ADGRB2: variants seen among roughly 807,000 people sequenced by gnomAD.
ADGRB2 encodes the protein adhesion G protein-coupled receptor B2, also known as brain-specific angiogenesis inhibitor 2.
Under a neutral mutation model 178.7 loss-of-function variants are expected in ADGRB2, and 47 were observed. That is an observed-to-expected ratio of 0.26 (90% CI 0.21 to 0.34). The LOEUF (loss-of-function observed/expected upper bound fraction) is 0.34, where lower values mean the gene tolerates loss of function less well. ADGRB2 is among the 10% of genes least tolerant of loss of function. The pLI is 1.00. For missense variants in ADGRB2, 1,584 were observed against 2,180.8 expected (o/e 0.73, Z 5.45); for synonymous variants, 870 against 912.4 (o/e 0.95, Z 0.84).
Position 31,743,002 on chromosome 1 carries a change from A to G in ADGRB2, c.1088T>C (p.Val363Ala). ...RPCNNSATCP[V>A]HGVWEEWGSW... Reference sequence around the variant, plus strand: ...CCCCCACTCCTCCCACACGCCGTGCACTGCAAGGAAGCACGTGGCCGGTGG... The same window carrying G: ...CCCCCACTCCTCCCACACGCCGTGCGCTGCAAGGAAGCACGTGGCCGGTGG... Residue 363 changes from valine to alanine, a missense_variant and splice_region_variant, in exon 7 of 33, where the codon GTG becomes GCG. Physicochemically the swap from Val to Ala is moderately conservative, Grantham distance 64. Transcript: ENST00000373658. The G allele has an allele frequency of 6.8e-7, 1 of 1,464,356 alleles. No individual in the cohort carries two copies. Among genetic ancestry groups the G allele is most frequent in the South Asian group, 1.3e-5 (1 of 75,064 alleles). 90.7% of individuals were successfully genotyped at this position (1,464,356 alleles called of 1,614,324 possible). A position where few individuals can be genotyped will look rare whatever the true frequency, so the allele number is the denominator to read the frequency against.
chr1:31,732,759 G>A, intron 26 of ADGRB2, 147 bp from the exon 27 acceptor site: 1 of 1,127,994 alleles, frequency 8.9e-7, no homozygotes, highest in South Asian at 1.4e-5. Context: ...CCTGGGCAGG[G>A]TGCAACGGGA....
Position 31,742,052 on chromosome 1 carries a change from C to T in ADGRB2, c.1417+1G>A. 2 of 1,605,874 alleles carry T rather than the reference C, an allele frequency of 1.2e-6. No homozygotes were observed. On this transcript the variant is annotated splice_donor_variant, in intron 8 of 32. Transcript: ENST00000373658. LOFTEE classifies it high-confidence loss of function. ...TTGCCACCACTGTGCCAAGCACTCA[C>T]CCGGGCACTCGAGGTTGCTGCACTC...
In ADGRB2 at chr1:31,761,731, G is replaced by T. The variant is rs1374542653; in HGVS notation, c.-191+2153C>A. On this transcript the variant is annotated intron_variant, in intron 1 of 32. Transcript: ENST00000373658. The surrounding 1 kb of genome is among the most constrained non-coding windows in gnomAD (Gnocchi z 4.2). ...AAGGTGTTTCTGTCTTTATTATACTGGGGGTTGGAGTGAAGGCACTGGAAC... is the reference window on the plus strand; with the variant it reads ...AAGGTGTTTCTGTCTTTATTATACTTGGGGTTGGAGTGAAGGCACTGGAAC... 6.6e-6 allele frequency among the ~76,000 whole-genome samples: 1 copy of T among 152,182 alleles called. No individual in the cohort carries two copies. Among genetic ancestry groups the T allele is most frequent in the Admixed American group, 6.5e-5 (1 of 15,284 alleles).
Position 31,730,849 on chromosome 1 carries a change from G to A in ADGRB2, c.4331C>T (p.Thr1444Ile). The A allele has an allele frequency of 6.5e-7, 1 of 1,537,856 alleles. No individual in the cohort carries two copies. The highest frequency in any genetic ancestry group is 8.7e-7 in the Non-Finnish European group (1 of 1,144,896). Residue 1444 changes from threonine to isoleucine, a missense_variant, in exon 29 of 33, where the codon ACC (threonine) becomes ATC (isoleucine). Thr to Ile is a moderately conservative substitution (Grantham distance 89, BLOSUM62 -1). This residue lies in a region of ADGRB2 where 865 missense variants were observed against 1,192.8 expected (regional missense o/e 0.73). Transcript: ENST00000373658. ...QVPEPGERSR[T>I]MPRTVPGSTM... ...AGAGCCGGGCACGGTGCGAGGCATGGTCCGGCTGCGCTCCCCTGGCTCGGG... is the reference window on the plus strand; with the variant it reads ...AGAGCCGGGCACGGTGCGAGGCATGATCCGGCTGCGCTCCCCTGGCTCGGG...
In ADGRB2 at chr1:31,735,823, A is replaced by T. The variant is rs1645575817; in HGVS notation, c.3267+4T>A. The T allele has an allele frequency of 6.2e-7, 1 of 1,609,890 alleles. No homozygotes were observed. Among genetic ancestry groups the T allele is most frequent in the Non-Finnish European group, 8.5e-7 (1 of 1,177,820 alleles). On this transcript the variant is annotated splice_donor_region_variant and intron_variant, in intron 23 of 32. Coordinates refer to ENST00000373658, the MANE Select transcript of ADGRB2 (RefSeq NM_001364857.2). This position sits in a 1 kb window ranked among gnomAD's most constrained non-coding sequence, Gnocchi z 6.0. The stretch of plus-strand genomic sequence containing the variant: ...CCCTTCCAAGATGCTGAACGGGCAC[A>T]TACCAGGACAATGACGGCTGCAGGG...
Position 31,763,959 on chromosome 1 carries a change from A to C in ADGRB2, c.-266T>G. On this transcript the variant is annotated 5_prime_UTR_variant, in exon 1 of 33. Transcript: ENST00000373658. ...ACGGGGCGCAAGTTTGCCATCCCTA[A>C]GTCGGGGACCGGGCCGGGCGCAGGG... 2.0e-6 allele frequency: 2 copies of C among 984,196 alleles called. No individual in the cohort carries two copies. Among genetic ancestry groups the C allele is most frequent in the Non-Finnish European group, 2.4e-6 (2 of 829,676 alleles). The allele number at this position is 984,196 out of a possible 1,614,324, so 61.0% of individuals were successfully genotyped here.
chr1:31,738,551 G>C, intron 17 of ADGRB2, 36 bp downstream of exon 17: 2 of 1,590,734 alleles, frequency 1.3e-6, no homozygotes, highest in Non-Finnish European at 1.7e-6. Flanking sequence ...CCCTAGGGCT[G>C]CTCCCTTCCT....
chr1:31,728,497 C>G lies in ADGRB2; in HGVS notation c.4416+101G>C. On this transcript the variant is annotated intron_variant, in intron 30 of 32. Transcript: ENST00000373658. This position sits in a 1 kb window ranked among gnomAD's most constrained non-coding sequence, Gnocchi z 6.7. ...ACCCCCGGGCTTGGGCTCCTGGGGTCAGGCTCTGCAACAGAGCTTGGACTA... is the reference window on the plus strand; with the variant it reads ...ACCCCCGGGCTTGGGCTCCTGGGGTGAGGCTCTGCAACAGAGCTTGGACTA... The G allele has an allele frequency of 6.4e-7, 1 of 1,564,314 alleles. No individual in the cohort carries two copies. Among genetic ancestry groups the G allele is most frequent in the East Asian group, 2.2e-5 (1 of 44,556 alleles).
chr1:31,752,864 CCA>C (rs1646647783), intron 4 of ADGRB2, among the ~76,000 whole-genome samples: 1 of 152,058 alleles, frequency 6.6e-6, no homozygotes, highest in Admixed American at 6.5e-5. Flanking sequence ...GGTTTTGAGC[CCA>C]CTCTTGCCTC....
At chr1:31,750,552 A>T (rs761926714) in intron 4 of ADGRB2, among the ~76,000 whole-genome samples, 19 of 152,096 alleles carry the variant, frequency 1.2e-4, no homozygotes, top group Non-Finnish European at 2.5e-4. Flanking sequence ...TGAATGTGTT[A>T]AAAATAACCA....
chr1:31,737,733 G>A lies in ADGRB2; in HGVS notation c.2795C>T (p.Pro932Leu). ...ACAGCCGATCACCAGGGGGACCGAG[G>A]GGGAGCCCGCCAGCTCCAGGGTCTG... The part of the protein sequence containing the change: ...KDLTLELAGS[P>L]SVPLVIGCAV... The change falls in exon 19 of 33, where the codon CCC becomes CTC. Residue 932 changes from proline (P) to leucine (L), a missense_variant. Physicochemically the swap from Pro to Leu is moderately conservative, Grantham distance 98. Transcript: ENST00000373658. 1 of 1,613,590 alleles carries A rather than the reference G, an allele frequency of 6.2e-7. No homozygotes were observed. The highest frequency in any genetic ancestry group is 1.3e-5 in the African/African-American group (1 of 75,026).
intron 4 of ADGRB2, among the ~76,000 whole-genome samples, chr1:31,746,200 G>A (rs1204569942): frequency 6.6e-6 from 1 of 152,046 alleles, no homozygotes; most frequent in East Asian, 1.9e-4. Context: ...CTGCCAGGAG[G>A]GCCTTGAAAC....
Position 31,733,350 on chromosome 1 carries a change from G to C in ADGRB2, c.3453-207C>G, listed in dbSNP as rs993557791. Reference sequence around the variant, plus strand: ...CAGAGACCGAAAGCAGCGAACTACGGGGTCAGAGCAGGGACCAGGAAGGTG... The same window carrying C: ...CAGAGACCGAAAGCAGCGAACTACGCGGTCAGAGCAGGGACCAGGAAGGTG... On this transcript the variant is annotated intron_variant, in intron 25 of 32. Transcript: ENST00000373658. This position sits in a 1 kb window ranked among gnomAD's most constrained non-coding sequence, Gnocchi z 4.3. 1.3e-5 allele frequency among the ~76,000 whole-genome samples: 2 copies of C among 152,192 alleles called. No homozygotes were observed. The highest frequency in any genetic ancestry group is 2.4e-5 in the African/African-American group (1 of 41,432).
At chr1:31,734,640 T>G (rs1432096142) in intron 25 of ADGRB2, among the ~76,000 whole-genome samples, 9 of 152,204 alleles carry the variant, frequency 5.9e-5, no homozygotes, top group Non-Finnish European at 1.5e-5. Flanking sequence ...GATTTTAAGA[T>G]TCTCAGATGC....
At position 31,736,554 on chromosome 1, in the gene ADGRB2, C is replaced by T. The variant is rs774079382; in HGVS notation, c.3130+19G>A. On this transcript the variant is annotated intron_variant, in intron 21 of 32. Coordinates refer to ENST00000373658, the MANE Select transcript of ADGRB2 (RefSeq NM_001364857.2). ...CCCACCAAGGCCCAGCAGCAGAGTC[C>T]AGCACTGGCCCTGCTCACCCCAGCC... is the stretch of plus-strand genomic sequence containing the variant. The T allele has an allele frequency of 6.2e-7, 1 of 1,612,282 alleles. No individual in the cohort carries two copies. The highest frequency in any genetic ancestry group is 1.1e-5 in the South Asian group (1 of 90,886).
chr1:31,739,257 T>G (rs1645800677), intron 15 of ADGRB2, 51 bp downstream of exon 15: 1 of 1,430,558 alleles, frequency 7.0e-7, no homozygotes. Context: ...TTCCCTTACC[T>G]GGGCCTTCCT....
In ADGRB2 at chr1:31,740,214, C is replaced by A; in HGVS notation, c.1990-36G>T. 1 of 1,613,312 alleles carries A rather than the reference C, an allele frequency of 6.2e-7. No individual in the cohort carries two copies. Among genetic ancestry groups the A allele is most frequent in the Non-Finnish European group, 8.5e-7 (1 of 1,179,652 alleles). On this transcript the variant is annotated intron_variant, in intron 12 of 32. Transcript: ENST00000373658. The surrounding 1 kb of genome is among the most constrained non-coding windows in gnomAD (Gnocchi z 5.9). ...AGCAATGAGTGGCAGGGGGTCCTAGCCCCAGGGAACAGGGGGCTTCCCCCA... is the reference window on the plus strand; with the variant it reads ...AGCAATGAGTGGCAGGGGGTCCTAGACCCAGGGAACAGGGGGCTTCCCCCA...
At position 31,753,954 on chromosome 1, in the gene ADGRB2, C is replaced by A. The variant is rs1235320425; in HGVS notation, c.838+2045G>T. 6.6e-6 allele frequency among the ~76,000 whole-genome samples: 1 copy of A among 152,230 alleles called. No homozygotes were observed. The highest frequency in any genetic ancestry group is 1.5e-5 in the Non-Finnish European group (1 of 68,038). On this transcript the variant is annotated intron_variant, in intron 4 of 32. Transcript: ENST00000373658. The surrounding 1 kb of genome is among the most constrained non-coding windows in gnomAD (Gnocchi z 4.1). ...CACATCATCCCATGCCAACTCCCTA[C>A]AGGGGCCCTCCCTAAAAAGCAACCC...
rs369049287 is a variant in ADGRB2, at chr1:31,738,368, G to A, written c.2646-42C>T. 2.5e-5 allele frequency: 41 copies of A among 1,611,688 alleles called. 1 individual carries two copies. The highest frequency in any genetic ancestry group is 1.5e-4 in the South Asian group (14 of 90,812). ...ATTCAGTGAGCCCCAGGCCAGCTAC[G>A]TGGCCCTGCCCCCAGTCCTGGCCAC... On this transcript the variant is annotated intron_variant, in intron 17 of 32. Transcript: ENST00000373658.
Sources: gnomAD v4.1 joint callset for allele counts (sites outside exome capture counted in the v4.1 genomes callset) on GRCh38, gnomAD v4.1.1 for gene constraint, gnomAD v4.1.1 regional missense constraint, Gnocchi (gnomAD v3.1) non-coding constraint, MANE v1.5 for transcripts, NCBI Gene and HGNC (gene_info 2026-07-23, HGNC 2026-07-21) for gene names.